Variants in SYT2 observed in about 807,000 individuals in gnomAD.
SYT2 encodes synaptotagmin 2.
In SYT2, 15 loss-of-function variants were observed where a neutral mutation model predicts 39.9. The observed-to-expected ratio is 0.38, with a 90% CI of 0.25 to 0.58. The LOEUF (loss-of-function observed/expected upper bound fraction) is 0.58. Among genes scored for constraint, SYT2 ranks in the 20% least tolerant of loss-of-function variants. SYT2 has a pLI of 0.70. For synonymous variants in SYT2, 181 were observed against 204.5 expected, an observed-to-expected ratio of 0.89 and a Z score of 0.98; for missense variants, 389 against 530.3, an observed-to-expected ratio of 0.73 and a Z score of 2.62.
intron 1 of SYT2, among the ~76,000 whole-genome samples, chr1:202,667,518 T>C (rs1385710359): frequency 6.7e-6 from 1 of 150,222 alleles, no homozygotes; most frequent in African/African-American, 2.5e-5. Flanking sequence ...TGTGTGTACC[T>C]TCCTGTGTGT....
intron 1 of SYT2, among the ~76,000 whole-genome samples, chr1:202,648,717 C>T (rs1692137430): frequency 6.6e-6 from 1 of 152,200 alleles, no homozygotes; most frequent in African/African-American, 2.4e-5. Context: ...GGGGGATAAA[C>T]TTGAACTGTG....
chr1:202,643,112 A>G (rs1691967886), intron 1 of SYT2, among the ~76,000 whole-genome samples: 1 of 152,062 alleles, frequency 6.6e-6, no homozygotes, highest in African/African-American at 2.4e-5. Context: ...CTCTTAGTTT[A>G]CCCCGCAGTG....
At chr1:202,626,152 C>T (rs1182371220) in intron 1 of SYT2, among the ~76,000 whole-genome samples, 1 of 152,076 alleles carries the variant, frequency 6.6e-6, no homozygotes, top group Non-Finnish European at 1.5e-5. Context: ...TAGCTACAGG[C>T]CCTGTACGTG....
chr1:202,678,474 CTT>C (rs1653440557), intron 1 of SYT2, among the ~76,000 whole-genome samples: 1 of 152,044 alleles, frequency 6.6e-6, no homozygotes, highest in Middle Eastern at 3.4e-3. Context: ...CACCTCTTCT[CTT>C]CTTTCATCTT....
intron 1 of SYT2, chr1:202,632,011 T>TGTGA: frequency 1.0e-6 from 1 of 985,180 alleles, no homozygotes; most frequent in Non-Finnish European, 1.2e-6. Flanking sequence ...CTGCCAATTA[T>TGTGA]GTGAGGACCA....
intron 8 of SYT2, among the ~76,000 whole-genome samples, chr1:202,597,662 A>AAT (rs1196045429): frequency 6.6e-6 from 1 of 152,050 alleles, no homozygotes; most frequent in Non-Finnish European, 1.5e-5. Context: ...CGACTTTAAG[A>AAT]AAAGGAGTGT....
chr1:202,602,592 C>T, intron 4 of SYT2, 47 bp from the exon 5 acceptor site: 1 of 1,560,310 alleles, frequency 6.4e-7, no homozygotes, highest in Non-Finnish European at 8.7e-7. Flanking sequence ...AGGACTGCTC[C>T]AATACCACAA....
intron 1 of SYT2, among the ~76,000 whole-genome samples, chr1:202,691,071 C>T (rs1403705783): frequency 2.6e-5 from 4 of 152,170 alleles, no homozygotes; most frequent in Non-Finnish European, 5.9e-5. Context: ...CAGACCCCTC[C>T]GCCCCCTAAG....
chr1:202,599,496 C>G lies in SYT2; in HGVS notation c.920-145G>C. 1 of 952,286 alleles carries G rather than the reference C, an allele frequency of 1.1e-6. No homozygotes were observed. The highest frequency in any genetic ancestry group is 3.0e-5 in the Admixed American group (1 of 33,402). The allele number at this position is 952,286 out of a possible 1,614,324, so 59.0% of individuals were successfully genotyped here. ...GGCCCTCAGAAAGCCCCAAGTCATG[C>G]CATCCAGTTCAAAGGTGGCAAAAGG... On this transcript the variant is annotated intron_variant, in intron 7 of 8. Coordinates refer to ENST00000367268, the MANE Select transcript of SYT2 (RefSeq NM_177402.5). The surrounding 1 kb of genome is among the most constrained non-coding windows in gnomAD (Gnocchi z 4.4).
At chr1:202,675,530 A>T (rs2149110733) in intron 1 of SYT2, among the ~76,000 whole-genome samples, 1 of 152,216 alleles carries the variant, frequency 6.6e-6, no homozygotes, top group South Asian at 2.1e-4. Context: ...TCACTCTGAG[A>T]TCTTCAGGGA....
intron 1 of SYT2, among the ~76,000 whole-genome samples, chr1:202,616,578 C>G (rs576301976): frequency 1.3e-5 from 2 of 152,350 alleles, no homozygotes; most frequent in African/African-American, 4.8e-5. Flanking sequence ...GTCAGCCCCT[C>G]CATTGTGGCT....
At chr1:202,638,464 C>CGCTCAATGGGCCATCTGCTCGGAG (rs1558442624) in intron 1 of SYT2, among the ~76,000 whole-genome samples, 2 of 152,240 alleles carry the variant, frequency 1.3e-5, no homozygotes, top group East Asian at 3.9e-4. Flanking sequence ...CTGAGAGACC[C>CGCTCAATGGGCCATCTGCTCGGAG]GCTCAATGGG....
intron 1 of SYT2, chr1:202,627,357 TGGG>T: frequency 5.9e-6 from 4 of 678,010 alleles, no homozygotes; most frequent in Non-Finnish European, 7.3e-6. Context: ...ATGGAGGAGG[TGGG>T]GGATCTCACC....
intron 1 of SYT2, among the ~76,000 whole-genome samples, chr1:202,679,744 T>A (rs1269730818): frequency 6.6e-6 from 1 of 152,184 alleles, no homozygotes; most frequent in Non-Finnish European, 1.5e-5. Context: ...TGTCCCTGCT[T>A]AATATCCTTC....
intron 1 of SYT2, among the ~76,000 whole-genome samples, chr1:202,661,456 G>T (rs1347870312): frequency 6.6e-6 from 1 of 152,174 alleles, no homozygotes; most frequent in African/African-American, 2.4e-5. Context: ...GTGCAGCCTT[G>T]TCCCTTTGCA....
chr1:202,605,830 G>T, intron 1 of SYT2, 41 bp from the exon 2 acceptor site: 1 of 1,531,500 alleles, frequency 6.5e-7, no homozygotes. Flanking sequence ...AGCATCCAGA[G>T]GTCGTCTTAC....
At chr1:202,668,772 C>A (rs1182316758) in intron 1 of SYT2, among the ~76,000 whole-genome samples, 1 of 152,212 alleles carries the variant, frequency 6.6e-6, no homozygotes, top group African/African-American at 2.4e-5. Flanking sequence ...TTGAATCTGT[C>A]TGACTCCAAG....
chr1:202,705,534 A>G (rs1654226821), intron 1 of SYT2, among the ~76,000 whole-genome samples: 1 of 152,132 alleles, frequency 6.6e-6, no homozygotes, highest in Admixed American at 6.5e-5. Context: ...CCTTTCTTTC[A>G]GATTTGGAGG....
intron 1 of SYT2, among the ~76,000 whole-genome samples, chr1:202,665,243 C>T (rs1285816721): frequency 6.6e-6 from 1 of 152,202 alleles, no homozygotes; most frequent in Non-Finnish European, 1.5e-5. Context: ...TTTGCTGTCA[C>T]CTCTTGCGTA....
Sources: gnomAD v4.1 joint callset for allele counts (sites outside exome capture counted in the v4.1 genomes callset) on GRCh38, gnomAD v4.1.1 for gene constraint, Gnocchi (gnomAD v3.1) non-coding constraint, MANE v1.5 for transcripts, NCBI Gene and HGNC (gene_info 2026-07-23, HGNC 2026-07-21) for gene names.